CTNND2: variants seen among roughly 807,000 people sequenced by gnomAD.
CTNND2 encodes the protein catenin delta 2, also known as catenin delta-2.
CTNND2 carries 22 observed loss-of-function variants against 144.4 expected under a neutral mutation model. That is an observed-to-expected ratio of 0.15 (90% CI 0.11 to 0.22). The LOEUF (loss-of-function observed/expected upper bound fraction) is 0.22, where lower values mean the gene tolerates loss of function less well. CTNND2 is among the 10% of genes least tolerant of loss of function. The pLI is 1.00. For synonymous variants in CTNND2, 751 were observed against 695.6 expected (o/e 1.08, Z -1.25); for missense variants, 1,353 against 1,618.8 (o/e 0.84, Z 2.82).
intron 2 of CTNND2, among the ~76,000 whole-genome samples, chr5:11,603,371 G>C (rs1015918210): frequency 1.3e-5 from 2 of 152,128 alleles, no homozygotes; most frequent in Non-Finnish European, 2.9e-5. Context: ...TAATTTTAAT[G>C]TCACAGTTGC....
Position 11,612,805 on chromosome 5 carries a change from C to T in CTNND2, c.175-47749G>A, listed in dbSNP as rs1198207487. On this transcript the variant is annotated intron_variant, in intron 2 of 21. Transcript: ENST00000304623. ...GTCCCATCAACTTGGGAGGTTAAGG[C>T]GGGAGGATCACTTGAGCCCTAGAGG... Among the ~76,000 whole-genome samples, 10 of 152,006 alleles carry T rather than the reference C, an allele frequency of 6.6e-5. No homozygotes were observed. The East Asian group carries it at 9.7e-4, about 15-fold the overall frequency.
chr5:10,978,495 T>TGGG (rs927950649), intron 21 of CTNND2, among the ~76,000 whole-genome samples: 1 of 133,994 alleles, frequency 7.5e-6, no homozygotes, highest in East Asian at 2.1e-4. Context: ...AAATACTTTT[T>TGGG]GGGGAGGGGG....
chr5:11,893,437 A>G (rs1737147237), intron 1 of CTNND2, among the ~76,000 whole-genome samples: 1 of 152,206 alleles, frequency 6.6e-6, no homozygotes, highest in Admixed American at 6.5e-5. Flanking sequence ...CCTCATTTAA[A>G]ATTAAATTTG....
intron 11 of CTNND2, among the ~76,000 whole-genome samples, chr5:11,182,732 C>T (rs1202423706): frequency 6.6e-6 from 1 of 152,174 alleles, no homozygotes; most frequent in African/African-American, 2.4e-5. Flanking sequence ...GGGCTGTTGT[C>T]CTTGCAAATT....
chr5:11,740,917 A>T (rs564373356), intron 1 of CTNND2, among the ~76,000 whole-genome samples: 132 of 152,346 alleles, frequency 8.7e-4, no homozygotes, highest in Non-Finnish European at 1.5e-3. Flanking sequence ...CTTTTCATAC[A>T]GGCACTTCTC....
intron 2 of CTNND2, among the ~76,000 whole-genome samples, chr5:11,709,851 G>A (rs2126689503): frequency 6.6e-6 from 1 of 152,184 alleles, no homozygotes; most frequent in African/African-American, 2.4e-5. Context: ...TGTCCTTTAA[G>A]TACATTTTAA....
In CTNND2 at chr5:11,570,084, T is replaced by C. The variant is rs1446572534; in HGVS notation, c.175-5028A>G. On this transcript the variant is annotated intron_variant, in intron 2 of 21. Transcript: ENST00000304623. ...ATTTTGTTTTCCCTAAGTTAAGAAC[T>C]TGGAGTTTTTTGTTCCTTTGCTCAG... 3.3e-5 allele frequency among the ~76,000 whole-genome samples: 5 copies of C among 152,208 alleles called. No homozygotes were observed. The East Asian group carries it at 9.6e-4, about 29-fold the overall frequency.
At chr5:11,013,396 T>C (rs1404310039) in intron 18 of CTNND2, among the ~76,000 whole-genome samples, 1 of 152,214 alleles carries the variant, frequency 6.6e-6, no homozygotes, top group Non-Finnish European at 1.5e-5. Context: ...TTTTCTCTTG[T>C]TACTATAATT....
chr5:11,137,359 A>G (rs888794642), intron 12 of CTNND2, among the ~76,000 whole-genome samples: 12 of 152,206 alleles, frequency 7.9e-5, no homozygotes, highest in African/African-American at 2.9e-4. Flanking sequence ...AGTTTAGTCA[A>G]GAAGCTGTAT....
intron 1 of CTNND2, among the ~76,000 whole-genome samples, chr5:11,740,618 ACATAGGCATGGG>A (rs1270810696): frequency 1.3e-5 from 2 of 152,216 alleles, no homozygotes; most frequent in Non-Finnish European, 2.9e-5. Context: ...ACCATTCAGG[ACATAGGCATGGG>A]CAAAGACTTC....
intron 3 of CTNND2, among the ~76,000 whole-genome samples, chr5:11,540,634 T>C (rs1286524301): frequency 6.6e-6 from 1 of 152,140 alleles, no homozygotes; most frequent in African/African-American, 2.4e-5. Context: ...CTCAGCCTCC[T>C]GAGTAGCTGG....
chr5:10,995,597 G>T (rs532301066), intron 18 of CTNND2, among the ~76,000 whole-genome samples: 1 of 152,332 alleles, frequency 6.6e-6, no homozygotes, highest in South Asian at 2.1e-4. Context: ...GGAGAAATGG[G>T]CTTGAAGAGA....
In CTNND2 at chr5:11,768,939, C is replaced by T. The variant is rs552681899; in HGVS notation, c.38-36667G>A. 9.8e-5 allele frequency among the ~76,000 whole-genome samples: 15 copies of T among 152,312 alleles called. No homozygotes were observed. In the South Asian group the frequency reaches 3.1e-3, roughly 32 times the overall value. On this transcript the variant is annotated intron_variant, in intron 1 of 21. Coordinates refer to ENST00000304623, the MANE Select transcript of CTNND2 (RefSeq NM_001332.4). ...GTAGGTAAGAGCTCCCCTCAGTTAA[C>T]ATAATCCAGCCCATTTCTCATTAAG...
chr5:11,433,088 C>CA (rs201816975), intron 3 of CTNND2, among the ~76,000 whole-genome samples: 1,870 of 151,874 alleles, frequency 0.012, 30 homozygotes, highest in African/African-American at 0.042. Context: ...ACTAAAAATA[C>CA]AAAAAAAATT....
chr5:11,045,475 T>G (rs1173206076), intron 16 of CTNND2, among the ~76,000 whole-genome samples: 3 of 152,154 alleles, frequency 2.0e-5, no homozygotes, highest in African/African-American at 7.2e-5. Flanking sequence ...GAGGGATCTG[T>G]CCCTGTGACC....
chr5:11,464,922 C>T (rs1239085010), intron 3 of CTNND2, among the ~76,000 whole-genome samples: 2 of 152,136 alleles, frequency 1.3e-5, no homozygotes, highest in African/African-American at 4.8e-5. Flanking sequence ...TTCATAACAA[C>T]ATGGAAGAGG....
chr5:11,208,785 C>T (rs1738315317), intron 10 of CTNND2, among the ~76,000 whole-genome samples: 1 of 152,122 alleles, frequency 6.6e-6, no homozygotes, highest in African/African-American at 2.4e-5. Flanking sequence ...GACCGATGCA[C>T]ACACATTATA....
intron 1 of CTNND2, among the ~76,000 whole-genome samples, chr5:11,865,146 C>T (rs947290104): frequency 1.3e-5 from 2 of 152,108 alleles, no homozygotes; most frequent in Admixed American, 6.5e-5. Context: ...CCGCGTGCCT[C>T]GGCCTCCCAA....
chr5:11,694,343 G>A (rs1282309312), intron 2 of CTNND2, among the ~76,000 whole-genome samples: 6 of 151,876 alleles, frequency 4.0e-5, no homozygotes, highest in Non-Finnish European at 8.8e-5. Flanking sequence ...GCTGAGGCAG[G>A]AGAATGGCGT....
Sources: gnomAD v4.1 joint callset for allele counts (sites outside exome capture counted in the v4.1 genomes callset) on GRCh38, gnomAD v4.1.1 for gene constraint, MANE v1.5 for transcripts, NCBI Gene and HGNC (gene_info 2026-07-23, HGNC 2026-07-21) for gene names.